AKAP8L: variants seen among roughly 807,000 people sequenced by gnomAD.
AKAP8L encodes the protein A-kinase anchor protein 8-like.
AKAP8L carries 34 observed loss-of-function variants against 77.5 expected under a neutral mutation model. The ratio of observed to expected loss-of-function variants is 0.44; its 90% CI spans 0.33 to 0.58. The LOEUF (loss-of-function observed/expected upper bound fraction) is 0.58, where lower values mean the gene tolerates loss of function less well. Ranked by LOEUF, AKAP8L falls within the 20% of genes least tolerant of loss-of-function variation. AKAP8L has a pLI of 0.02. For missense variants in AKAP8L, 806 were observed against 887.6 expected (o/e 0.91, Z 1.17); for synonymous variants, 342 against 340.7 (o/e 1.00, Z -0.04).
At chr19:15,416,839 A>G (rs1371096030) in intron 1 of AKAP8L, among the ~76,000 whole-genome samples, 1 of 152,216 alleles carries the variant, frequency 6.6e-6, no homozygotes, top group Non-Finnish European at 1.5e-5. Flanking sequence ...GGGCGAGTTA[A>G]TAAAAAGATT....
Position 15,401,413 on chromosome 19 carries a change from G to A in AKAP8L, c.553C>T (p.Arg185Trp), listed in dbSNP as rs1299101381. The change falls in exon 5 of 14, where the codon CGG (arginine) becomes TGG (tryptophan). Residue 185 changes from arginine to tryptophan, a missense_variant. Physicochemically the swap from Arg to Trp is moderately radical, Grantham distance 101. Around this residue, in one of 2 missense-constraint regions of AKAP8L, gnomAD observed 580 missense variants for 694.1 expected, o/e 0.84. Transcript: ENST00000397410. The surrounding 1 kb of genome is among the most constrained non-coding windows in gnomAD (Gnocchi z 6.2). Reference protein sequence around the residue: ...TFGPRAQGWARDARSGRPMAS... With the variant: ...TFGPRAQGWAWDARSGRPMAS... Reference sequence around the variant, plus strand: ...ATTGGCCGGCCGCTCCGGGCATCCCGGGCCCAGCCCTGTGCCCTGGGACCG... The same window carrying A: ...ATTGGCCGGCCGCTCCGGGCATCCCAGGCCCAGCCCTGTGCCCTGGGACCG... The A allele has an allele frequency of 6.2e-6, 10 of 1,613,244 alleles. No individual in the cohort carries two copies. Among genetic ancestry groups the A allele is most frequent in the Non-Finnish European group, 8.5e-6 (10 of 1,179,878 alleles).
At chr19:15,410,053 C>T (rs1470798674) in intron 2 of AKAP8L, among the ~76,000 whole-genome samples, 2 of 152,150 alleles carry the variant, frequency 1.3e-5, no homozygotes, top group Non-Finnish European at 2.9e-5. Context: ...AGTGATTCCC[C>T]TGCCTCAGCC....
chr19:15,416,248 C>T (rs910866080), intron 1 of AKAP8L, among the ~76,000 whole-genome samples: 1 of 152,140 alleles, frequency 6.6e-6, no homozygotes, highest in African/African-American at 2.4e-5. Flanking sequence ...GGGTGACAAC[C>T]ATCCTCAAAG....
In AKAP8L at chr19:15,401,441, GGTGTC is replaced by G; in HGVS notation, c.520_524del (p.Asp174LeufsTer110). ...CCCAGCCCTGTGCCCTGGGACCGAA[GGTGTC>G]GTTGCCACGCATGCGGAACTGGTCG... On this transcript the variant is annotated frameshift_variant, in exon 5 of 14. Transcript: ENST00000397410. LOFTEE classifies it high-confidence loss of function. The surrounding 1 kb of genome is among the most constrained non-coding windows in gnomAD (Gnocchi z 6.2). 6.2e-7 allele frequency: 1 copy of G among 1,613,668 alleles called. No homozygotes were observed. The highest frequency in any genetic ancestry group is 8.5e-7 in the Non-Finnish European group (1 of 1,179,894).
intron 12 of AKAP8L, among the ~76,000 whole-genome samples, chr19:15,391,767 T>C (rs1967668530): frequency 1.3e-5 from 2 of 152,012 alleles, no homozygotes; most frequent in African/African-American, 4.8e-5. Flanking sequence ...CTGGATCTCC[T>C]GACCTCGTGA....
rs139040948 is a variant in AKAP8L at position 15,395,444 on chromosome 19, T to C, written c.1536+1706A>G. ...GATTCTTCTGCCTTGGCCTCCCGAGTAGCTGGGATTACAGTGCCCGCCATC... is the reference window on the plus strand; with the variant it reads ...GATTCTTCTGCCTTGGCCTCCCGAGCAGCTGGGATTACAGTGCCCGCCATC... On this transcript the variant is annotated intron_variant, in intron 12 of 13. Coordinates refer to ENST00000397410, the MANE Select transcript of AKAP8L (RefSeq NM_014371.4). Among the ~76,000 whole-genome samples, 1,374 of 151,896 alleles carry C rather than the reference T, an allele frequency of 9.0e-3. 24 individuals carry two copies. The highest frequency in any genetic ancestry group is 0.031 in the African/African-American group (1,283 of 41,446).
At chr19:15,394,630 A>G (rs930092980) in intron 12 of AKAP8L, among the ~76,000 whole-genome samples, 2 of 151,924 alleles carry the variant, frequency 1.3e-5, no homozygotes, top group African/African-American at 4.8e-5. Flanking sequence ...TGTAACCTTG[A>G]ACTCCTAGCC....
At chr19:15,402,593 G>A (rs1359248105) in intron 4 of AKAP8L, among the ~76,000 whole-genome samples, 1 of 152,198 alleles carries the variant, frequency 6.6e-6, no homozygotes, top group East Asian at 1.9e-4. Context: ...CAGAGCCCAT[G>A]GCATCAAATC....
Position 15,397,317 on chromosome 19 carries a change from G to A in AKAP8L, c.1406-37C>T. The A allele has an allele frequency of 6.2e-7, 1 of 1,611,274 alleles. No individual in the cohort carries two copies. The highest frequency in any genetic ancestry group is 8.5e-7 in the Non-Finnish European group (1 of 1,178,022). ...AGGAGGGAGTCACCACTGGGCCCAG[G>A]TGCCTAAGATAGACCCAGGTGTTCG... is the stretch of plus-strand genomic sequence containing the variant. On this transcript the variant is annotated intron_variant, in intron 11 of 13. Transcript: ENST00000397410. The surrounding 1 kb of genome is among the most constrained non-coding windows in gnomAD (Gnocchi z 4.7).
rs1305696342 is a variant in AKAP8L at position 15,399,037 on chromosome 19, C to T, written c.1157+265G>A. On this transcript the variant is annotated intron_variant, in intron 9 of 13. Coordinates refer to ENST00000397410, the MANE Select transcript of AKAP8L (RefSeq NM_014371.4). This position sits in a 1 kb window ranked among gnomAD's most constrained non-coding sequence, Gnocchi z 6.1. Reference sequence around the variant, plus strand: ...GGGGTTCGTGCGCCGAGTGACCTAGCGCCAGAGCTTCTGAGCAACGGTGCC... The same window carrying T: ...GGGGTTCGTGCGCCGAGTGACCTAGTGCCAGAGCTTCTGAGCAACGGTGCC... The T allele has an allele frequency of 8.0e-6, 4 of 499,306 alleles. No homozygotes were observed. The highest frequency in any genetic ancestry group is 3.9e-5 in the East Asian group (1 of 25,382). 30.9% of individuals were successfully genotyped at this position (499,306 alleles called of 1,614,324 possible).
At chr19:15,412,757 T>C (rs919495318) in intron 1 of AKAP8L, among the ~76,000 whole-genome samples, 1 of 152,240 alleles carries the variant, frequency 6.6e-6, no homozygotes, top group Non-Finnish European at 1.5e-5. Context: ...TTAGCCAGGA[T>C]GGTCTCGATC....
intron 1 of AKAP8L, among the ~76,000 whole-genome samples, chr19:15,415,881 G>A (rs1359858307): frequency 5.0e-5 from 5 of 100,066 alleles, no homozygotes; most frequent in African/African-American, 8.6e-5. Context: ...GCAAGACTCC[G>A]TCTCAAAAAA....
At chr19:15,396,703 C>T (rs1050343787) in intron 12 of AKAP8L, among the ~76,000 whole-genome samples, 6 of 152,192 alleles carry the variant, frequency 3.9e-5, no homozygotes, top group African/African-American at 1.4e-4. Flanking sequence ...TGGCCCCCAC[C>T]ACCCCACCCA....
intron 12 of AKAP8L, among the ~76,000 whole-genome samples, chr19:15,384,033 A>C (rs1189061117): frequency 6.7e-6 from 1 of 148,546 alleles, no homozygotes; most frequent in Non-Finnish European, 1.5e-5. Flanking sequence ...CCAAGGTTCA[A>C]GCAATTCTCT....
At chr19:15,410,406 C>A in intron 2 of AKAP8L, 114 bp downstream of exon 2, 1 of 887,904 alleles carries the variant, frequency 1.1e-6, no homozygotes, top group Non-Finnish European at 1.8e-6. Flanking sequence ...CACCATTTCA[C>A]ACAAGTTTAG....
intron 12 of AKAP8L, chr19:15,383,825 G>C (rs1254609013): frequency 6.6e-6 from 1 of 151,700 alleles, no homozygotes; most frequent in South Asian, 2.1e-4. Flanking sequence ...CTAGAAATGT[G>C]CTGTCTATAT....
intron 12 of AKAP8L, among the ~76,000 whole-genome samples, chr19:15,388,560 A>G (rs967550252): frequency 6.6e-6 from 1 of 152,210 alleles, no homozygotes; most frequent in Non-Finnish European, 1.5e-5. Context: ...CTTAGAGCTG[A>G]AAAGTACAAT....
Position 15,418,871 on chromosome 19 carries a change from AT to A in AKAP8L, c.13+39del, listed in dbSNP as rs745530113. ...TGCGGCATCCGCACGTCCCTGTCCC[AT>A]CCCCCACGCAGAGCCCGACCCCACC... On this transcript the variant is annotated intron_variant, in intron 1 of 13. Transcript: ENST00000397410. 7 of 1,585,278 alleles carry A rather than the reference AT, an allele frequency of 4.4e-6. No individual in the cohort carries two copies. The African/African-American group carries it at 9.4e-5, about 21-fold the overall frequency.
intron 12 of AKAP8L, among the ~76,000 whole-genome samples, chr19:15,393,770 A>G (rs1967712563): frequency 6.6e-6 from 1 of 152,090 alleles, no homozygotes; most frequent in African/African-American, 2.4e-5. Flanking sequence ...AAAATACAAA[A>G]TTAGCCAGGC....
Sources: gnomAD v4.1 joint callset for allele counts (sites outside exome capture counted in the v4.1 genomes callset) on GRCh38, gnomAD v4.1.1 for gene constraint, gnomAD v4.1.1 regional missense constraint, Gnocchi (gnomAD v3.1) non-coding constraint, MANE v1.5 for transcripts, NCBI Gene and HGNC (gene_info 2026-07-23, HGNC 2026-07-21) for gene names.